DOCK9: variants seen among roughly 807,000 people sequenced by gnomAD.
The protein encoded by DOCK9 is dedicator of cytokinesis 9.
A neutral mutation model predicts 263.3 loss-of-function variants in DOCK9; 89 were observed. The observed-to-expected ratio is 0.34, with a 90% CI of 0.28 to 0.40. The LOEUF (loss-of-function observed/expected upper bound fraction) is 0.40. Among genes scored for constraint, DOCK9 ranks in the 10% least tolerant of loss-of-function variants. The pLI is 1.00. For missense variants in DOCK9, 2,140 were observed against 2,603.4 expected, an observed-to-expected ratio of 0.82 and a Z score of 3.87; for synonymous variants, 976 against 973.1, an observed-to-expected ratio of 1.00 and a Z score of -0.06.
intron 1 of DOCK9, among the ~76,000 whole-genome samples, chr13:99,008,348 C>T (rs1409499971): frequency 6.6e-6 from 1 of 151,576 alleles, no homozygotes; most frequent in East Asian, 1.9e-4. Flanking sequence ...ATTCTCCTGC[C>T]TCAGCCTCCC....
intron 33 of DOCK9, chr13:98,859,238 A>C (rs1376310758): frequency 3.9e-5 from 6 of 152,248 alleles, no homozygotes; most frequent in Non-Finnish European, 8.8e-5. Context: ...GAAGAAAGGC[A>C]AATGGAAACT....
intron 45 of DOCK9, among the ~76,000 whole-genome samples, chr13:98,815,160 G>A (rs1206687922): frequency 2.0e-5 from 3 of 151,878 alleles, no homozygotes; most frequent in Non-Finnish European, 4.4e-5. Flanking sequence ...GAGGAAATAA[G>A]CTAAGATTCC....
intron 47 of DOCK9, 120 bp downstream of exon 47, chr13:98,809,232 A>G (rs1355519376): frequency 1.0e-5 from 12 of 1,204,936 alleles, no homozygotes; most frequent in Admixed American, 7.3e-5. Context: ...TCATCAAATT[A>G]GCAATTACAG....
chr13:98,864,963 C>T (rs988218731), intron 30 of DOCK9, among the ~76,000 whole-genome samples: 1 of 152,178 alleles, frequency 6.6e-6, no homozygotes, highest in African/African-American at 2.4e-5. Flanking sequence ...TTGCCCTCCA[C>T]CATGATTGGA....
At chr13:99,038,408 G>T (rs567384843) in intron 1 of DOCK9, among the ~76,000 whole-genome samples, 1 of 143,784 alleles carries the variant, frequency 7.0e-6, no homozygotes, top group Non-Finnish European at 1.5e-5. Flanking sequence ...GGGTTCAAGC[G>T]ATTCTCCTGC....
In DOCK9 at chr13:98,886,571, T is replaced by G; in HGVS notation, c.2097A>C (p.Ala699=). 1 of 1,613,926 alleles carries G rather than the reference T, an allele frequency of 6.2e-7. No individual in the cohort carries two copies. The highest frequency in any genetic ancestry group is 1.1e-5 in the South Asian group (1 of 91,062). ...CTGGGTTTTGGTGATGGTGTAAAAC[T>G]GCAGCAAAGGCGCTTCTTGTGAAAA... The part of the protein sequence containing the change: ...GPVFTRSAFA[A]VLHHHQNPEF... The change falls in exon 19 of 53, where the codon GCA becomes GCC. Residue 699 remains alanine (A), a synonymous_variant. Transcript: ENST00000682017.
In DOCK9 at chr13:98,883,912, T is replaced by C. The variant is rs1355518995; in HGVS notation, c.2383-13A>G. On this transcript the variant is annotated splice_polypyrimidine_tract_variant and intron_variant, in intron 21 of 52. Transcript: ENST00000682017. Reference sequence around the variant, plus strand: ...CCGGACCATAATGCTAAAAAAAATATGGAAGAAACAATATCCCTACAGATT... The same window carrying C: ...CCGGACCATAATGCTAAAAAAAATACGGAAGAAACAATATCCCTACAGATT... 4 of 1,583,774 alleles carry C rather than the reference T, an allele frequency of 2.5e-6. No homozygotes were observed. Among genetic ancestry groups the C allele is most frequent in the African/African-American group, 2.7e-5 (2 of 74,140 alleles).
intron 37 of DOCK9, chr13:98,847,635 A>C (rs2093429218): frequency 6.6e-6 from 1 of 152,262 alleles, no homozygotes; most frequent in Admixed American, 6.5e-5. Flanking sequence ...ATCTTCACAA[A>C]GAGGAAGTCT....
At chr13:99,082,879 G>T (rs1036608381) in intron 1 of DOCK9, among the ~76,000 whole-genome samples, 10 of 152,148 alleles carry the variant, frequency 6.6e-5, no homozygotes, top group African/African-American at 2.2e-4. Context: ...CATAAAACCA[G>T]GTTTACAACC....
In DOCK9 at chr13:98,927,766, G is replaced by A. The variant is rs141196364; in HGVS notation, c.334-1847C>T. On this transcript the variant is annotated intron_variant, in intron 3 of 52. Coordinates refer to ENST00000682017, the MANE Select transcript of DOCK9 (RefSeq NM_001366683.2). The stretch of plus-strand genomic sequence containing the variant: ...CTCCCGAGTAGCTGGGATTACAGGC[G>A]AACACCACGACGCCTGGCTACTTTT... 8.0e-3 allele frequency among the ~76,000 whole-genome samples: 1,219 copies of A among 151,820 alleles called. 3 individuals carry two copies. The highest frequency in any genetic ancestry group is 0.013 in the Non-Finnish European group (860 of 67,924).
At chr13:98,891,832 G>GTTTT (rs2046666313) in intron 15 of DOCK9, among the ~76,000 whole-genome samples, 1 of 146,120 alleles carries the variant, frequency 6.8e-6, no homozygotes. Flanking sequence ...TTTTTTGCCA[G>GTTTT]CTTTAAGTTT....
At chr13:98,848,663 T>C in intron 36 of DOCK9, 24 bp from the exon 37 acceptor site, 4 of 1,605,594 alleles carry the variant, frequency 2.5e-6, no homozygotes, top group Non-Finnish European at 3.4e-6. Flanking sequence ...GAAAAATTAT[T>C]AGGGAAATGC....
intron 1 of DOCK9, among the ~76,000 whole-genome samples, chr13:99,050,675 C>T (rs1363156183): frequency 1.3e-5 from 2 of 152,162 alleles, no homozygotes; most frequent in African/African-American, 2.4e-5. Flanking sequence ...AGGCGACATG[C>T]GAGACTCCGT....
chr13:98,946,129 G>T (rs1310466134), intron 2 of DOCK9, among the ~76,000 whole-genome samples: 1 of 152,084 alleles, frequency 6.6e-6, no homozygotes, highest in Non-Finnish European at 1.5e-5. Flanking sequence ...GGAGTAAATG[G>T]GAAACAAGAT....
In DOCK9 at chr13:98,794,691, C is replaced by T. The variant is rs1402036093; in HGVS notation, c.6214G>A (p.Ala2072Thr). Reference protein sequence around the residue: ...VLPNSLHIFNAISGTPTSTMV... With the variant: ...VLPNSLHIFNTISGTPTSTMV... ...GTGCTTGTTGGAGTCCCACTGATGG[C>T]GTTGAAGATGTGAAGGGAATTCGGT... The change falls in exon 53 of 53, where the codon GCC (alanine) becomes ACC (threonine). Residue 2072 changes from alanine (A) to threonine (T), a missense_variant. This residue lies in a region of DOCK9 where 619 missense variants were observed against 861.8 expected (regional missense o/e 0.72). Coordinates refer to ENST00000682017, the MANE Select transcript of DOCK9 (RefSeq NM_001366683.2). The T allele has an allele frequency of 5.0e-6, 8 of 1,613,680 alleles. No homozygotes were observed. Among genetic ancestry groups the T allele is most frequent in the South Asian group, 1.1e-5 (1 of 91,026 alleles).
At chr13:99,086,126 T>G (rs2042331033) in intron 1 of DOCK9, 1 of 1,360,308 alleles carries the variant, frequency 7.4e-7, no homozygotes, top group Admixed American at 3.6e-5. Context: ...TCGGCCGCTC[T>G]GCCTCAGCCC....
intron 45 of DOCK9, among the ~76,000 whole-genome samples, chr13:98,816,683 T>C (rs2091886783): frequency 6.7e-6 from 1 of 148,660 alleles, no homozygotes; most frequent in Non-Finnish European, 1.5e-5. Context: ...AGGAGAGTGA[T>C]GACTGGCTGG....
intron 24 of DOCK9, 64 bp downstream of exon 24, chr13:98,881,828 C>G (rs1324690248): frequency 7.2e-7 from 1 of 1,396,948 alleles, no homozygotes; most frequent in East Asian, 2.5e-5. Context: ...CCCAGCTATG[C>G]ATGACTATGC....
chr13:98,920,069 G>A lies in DOCK9; in HGVS notation c.717+885C>T, dbSNP rs73560656. On this transcript the variant is annotated intron_variant, in intron 7 of 52. Coordinates refer to ENST00000682017, the MANE Select transcript of DOCK9 (RefSeq NM_001366683.2). ...GATGGATGGACAGATGATGGACAGG[G>A]AAATTGACAACTCTCTTCCAAAGAC... Among the ~76,000 whole-genome samples the A allele has an allele frequency of 3.7e-3, 569 of 152,250 alleles. 1 individual carries two copies. Among genetic ancestry groups the A allele is most frequent in the African/African-American group, 0.013 (528 of 41,530 alleles).
Sources: gnomAD v4.1 joint callset for allele counts (sites outside exome capture counted in the v4.1 genomes callset) on GRCh38, gnomAD v4.1.1 for gene constraint, gnomAD v4.1.1 regional missense constraint, MANE v1.5 for transcripts, NCBI Gene and HGNC (gene_info 2026-07-23, HGNC 2026-07-21) for gene names.